The following BICDL1 variants were observed in gnomAD, a reference collection of about 807,000 sequenced individuals.
The protein encoded by BICDL1 is BICD family like cargo adaptor 1.
Under a neutral mutation model 76.8 loss-of-function variants are expected in BICDL1, and 20 were observed. That is an observed-to-expected ratio of 0.26 (90% CI 0.18 to 0.38). The LOEUF is 0.38. Ranked by LOEUF, BICDL1 falls within the 10% of genes least tolerant of loss-of-function variation. The pLI is 1.00. For missense variants in BICDL1, 700 were observed against 798.6 expected, an observed-to-expected ratio of 0.88 and a Z score of 1.49; for synonymous variants, 383 against 337.1, an observed-to-expected ratio of 1.14 and a Z score of -1.49.
At chr12:120,052,069 T>C (rs1279654727) in intron 2 of BICDL1, among the ~76,000 whole-genome samples, 2 of 152,124 alleles carry the variant, frequency 1.3e-5, no homozygotes, top group Non-Finnish European at 2.9e-5. Flanking sequence ...GCCTCCCAAG[T>C]AGCTGGGACT....
intron 9 of BICDL1, 62 bp from the exon 10 acceptor site, chr12:120,092,938 C>A: frequency 6.7e-7 from 1 of 1,490,432 alleles, no homozygotes; most frequent in South Asian, 1.4e-5. Flanking sequence ...CCTCCCTGTC[C>A]AGCCCCAGGG....
At chr12:120,031,264 C>G (rs547370213) in intron 2 of BICDL1, among the ~76,000 whole-genome samples, 1 of 147,474 alleles carries the variant, frequency 6.8e-6, no homozygotes, top group African/African-American at 2.5e-5. Flanking sequence ...AGTGCAGTGG[C>G]ACAATCTCAG....
intron 8 of BICDL1, among the ~76,000 whole-genome samples, chr12:120,084,012 T>C (rs1874201917): frequency 6.6e-6 from 1 of 151,932 alleles, no homozygotes; most frequent in African/African-American, 2.4e-5. Flanking sequence ...TTTTTTTTTT[T>C]CTTTTCTTTG....
At chr12:120,040,799 G>A (rs1381507764) in intron 2 of BICDL1, among the ~76,000 whole-genome samples, 1 of 144,952 alleles carries the variant, frequency 6.9e-6, no homozygotes, top group African/African-American at 2.7e-5. Flanking sequence ...TCAGACTGGA[G>A]TGCAATGGCA....
chr12:120,057,763 C>T (rs1404558988), intron 2 of BICDL1, among the ~76,000 whole-genome samples: 3 of 150,312 alleles, frequency 2.0e-5, no homozygotes, highest in African/African-American at 4.9e-5. Context: ...CAGTGCAGTA[C>T]ACACCCTTGG....
chr12:120,036,124 CAAAT>C (rs1952526447), intron 2 of BICDL1, among the ~76,000 whole-genome samples: 2 of 152,178 alleles, frequency 1.3e-5, no homozygotes, highest in Non-Finnish European at 2.9e-5. Context: ...TAGCTATTAA[CAAAT>C]AATGCTGCTA....
intron 1 of BICDL1, chr12:119,992,403 A>C (rs1360173007): frequency 6.6e-6 from 1 of 152,178 alleles, no homozygotes; most frequent in African/African-American, 2.4e-5. Context: ...TGTACTTTGT[A>C]CTTTTTTCTT....
intron 2 of BICDL1, among the ~76,000 whole-genome samples, chr12:120,059,963 T>C (rs1193553377): frequency 6.6e-6 from 1 of 152,200 alleles, no homozygotes; most frequent in Non-Finnish European, 1.5e-5. Context: ...TCCACCCACC[T>C]CAGCCTCCCA....
intron 2 of BICDL1, among the ~76,000 whole-genome samples, chr12:120,033,018 TAC>T (rs1952455614): frequency 1.3e-5 from 2 of 152,210 alleles, no homozygotes; most frequent in Non-Finnish European, 2.9e-5. Context: ...GTGCTGGGAT[TAC>T]AGGCGTGAGC....
intron 2 of BICDL1, among the ~76,000 whole-genome samples, chr12:120,033,958 A>T (rs1449041589): frequency 6.6e-6 from 1 of 152,116 alleles, no homozygotes; most frequent in East Asian, 1.9e-4. Flanking sequence ...CTCCATATTG[A>T]CAAGAAAAGT....
At chr12:120,068,493 C>T (rs1872826134) in intron 4 of BICDL1, among the ~76,000 whole-genome samples, 1 of 152,172 alleles carries the variant, frequency 6.6e-6, no homozygotes, top group Non-Finnish European at 1.5e-5. Context: ...GTATTAAAAG[C>T]AAGTTAGTGA....
rs547145991 is a variant in BICDL1 at position 120,094,221 on chromosome 12, C to T, written c.*1060C>T. 44 of 456,504 alleles carry T rather than the reference C, an allele frequency of 9.6e-5. No individual in the cohort carries two copies. Among genetic ancestry groups the T allele is most frequent in the Admixed American group, 2.1e-4 (9 of 42,550 alleles). The allele number at this position is 456,504 out of a possible 1,614,324, so 28.3% of individuals were successfully genotyped here. ...CACCCAGGCCCCAACTCAGAGGCTC[C>T]GCGGCCCGGCCAGCCCTCAGCTGCT... On this transcript the variant is annotated 3_prime_UTR_variant, in exon 10 of 10. Coordinates refer to ENST00000548673, the MANE Select transcript of BICDL1 (RefSeq NM_001367886.1).
intron 8 of BICDL1, among the ~76,000 whole-genome samples, chr12:120,083,444 G>A (rs975870138): frequency 6.6e-6 from 1 of 151,744 alleles, no homozygotes; most frequent in African/African-American, 2.4e-5. Flanking sequence ...TTTGTTTTTT[G>A]TAGAGACGAG....
chr12:119,990,775 C>T (rs1305803663), intron 1 of BICDL1, among the ~76,000 whole-genome samples: 1 of 152,162 alleles, frequency 6.6e-6, no homozygotes, highest in Non-Finnish European at 1.5e-5. Flanking sequence ...GAAACAAGTG[C>T]CCCTAAAGGA....
chr12:120,080,134 A>G (rs544407975), intron 7 of BICDL1, among the ~76,000 whole-genome samples: 2 of 152,376 alleles, frequency 1.3e-5, no homozygotes, highest in African/African-American at 4.8e-5. Flanking sequence ...GCTTCCTGCC[A>G]TCACACAGAT....
chr12:120,051,886 T>C (rs560108056), intron 2 of BICDL1, among the ~76,000 whole-genome samples: 2 of 152,300 alleles, frequency 1.3e-5, no homozygotes, highest in Admixed American at 6.5e-5. Flanking sequence ...TTGGTTGTCA[T>C]GTTTCTTTTC....
At position 120,091,377 on chromosome 12, in the gene BICDL1, A is replaced by G. The variant is rs565439446; in HGVS notation, c.1704+1306A>G. ...AAAAAATGAAGTTTTCAGTGTGCCA[A>G]ACAAAACATTGGCAGCTTTGAAAGG... is the stretch of plus-strand genomic sequence containing the variant. On this transcript the variant is annotated intron_variant, in intron 9 of 9. Coordinates refer to ENST00000548673, the MANE Select transcript of BICDL1 (RefSeq NM_001367886.1). 31 of 1,012,670 alleles carry G rather than the reference A, an allele frequency of 3.1e-5. No individual in the cohort carries two copies. The South Asian group carries it at 1.0e-3, about 33-fold the overall frequency. The allele number at this position is 1,012,670 out of a possible 1,614,324, so 62.7% of individuals were successfully genotyped here.
At chr12:120,030,461 A>G (rs1467746100) in intron 2 of BICDL1, among the ~76,000 whole-genome samples, 1 of 152,214 alleles carries the variant, frequency 6.6e-6, no homozygotes, top group African/African-American at 2.4e-5. Flanking sequence ...TAGTAGGTTG[A>G]TGAAGATACC....
intron 8 of BICDL1, among the ~76,000 whole-genome samples, chr12:120,086,209 T>C (rs1193888737): frequency 6.6e-6 from 1 of 152,124 alleles, no homozygotes; most frequent in Non-Finnish European, 1.5e-5. Context: ...TGGACTCCTA[T>C]AGAACAGGGC....
Sources: allele counts gnomAD v4.1 joint callset (sites outside exome capture counted in the v4.1 genomes callset), GRCh38; gene constraint gnomAD v4.1.1; transcripts MANE v1.5; gene names NCBI Gene and HGNC (gene_info 2026-07-23, HGNC 2026-07-21).